Variants in TXN2 observed in about 807,000 individuals in gnomAD.
The protein encoded by TXN2 is thioredoxin 2.
Under a neutral mutation model 14.6 loss-of-function variants are expected in TXN2, and 12 were observed. That is an observed-to-expected ratio of 0.82 (90% confidence interval 0.53 to 1.33). The LOEUF is 1.33. TXN2 is among the 40% of genes most tolerant of loss of function. The pLI is 0.00. For synonymous variants in TXN2, 89 were observed against 81.0 expected (o/e 1.10, Z -0.53); for missense variants, 173 against 207.7 (o/e 0.83, Z 1.03).
At chr22:36,473,427 A>G (rs1051604956) in intron 3 of TXN2, among the ~76,000 whole-genome samples, 1 of 152,172 alleles carries the variant, frequency 6.6e-6, no homozygotes. Flanking sequence ...TGGGCGACAG[A>G]GCGAGACTCC....
At chr22:36,470,365 AG>A (rs1933248223) in intron 3 of TXN2, among the ~76,000 whole-genome samples, 1 of 152,192 alleles carries the variant, frequency 6.6e-6, no homozygotes. Context: ...AGGGCCCGAA[AG>A]AGTTTGCTCC....
chr22:36,473,708 A>T (rs533504554), intron 3 of TXN2, among the ~76,000 whole-genome samples: 12 of 152,158 alleles, frequency 7.9e-5, no homozygotes, highest in Non-Finnish European at 1.6e-4. Flanking sequence ...TTTCTGTGTG[A>T]CAGCACAGTC....
intron 3 of TXN2, among the ~76,000 whole-genome samples, chr22:36,470,978 T>TAC (rs923777756): frequency 8.1e-5 from 12 of 147,798 alleles, no homozygotes; most frequent in Middle Eastern, 3.5e-3. Flanking sequence ...CACACATATA[T>TAC]ACACACACAC....
intron 2 of TXN2, among the ~76,000 whole-genome samples, chr22:36,477,897 G>A (rs959295647): frequency 6.6e-6 from 1 of 152,090 alleles, no homozygotes; most frequent in African/African-American, 2.4e-5. Context: ...AGCACTTTGG[G>A]AGGCCGAGGC....
intron 3 of TXN2, 141 bp from the exon 4 acceptor site, chr22:36,468,058 G>A (rs1049692112): frequency 1.4e-6 from 1 of 701,830 alleles, no homozygotes; most frequent in Non-Finnish European, 2.5e-6. Context: ...AGAGGAACAT[G>A]GCTCTTCTCT....
intron 3 of TXN2, among the ~76,000 whole-genome samples, chr22:36,473,948 T>C (rs539361201): frequency 6.6e-6 from 1 of 152,322 alleles, no homozygotes; most frequent in Non-Finnish European, 1.5e-5. Flanking sequence ...TGCACATGGC[T>C]GGCCCTCAGG....
At chr22:36,469,005 G>A (rs1049687056) in intron 3 of TXN2, among the ~76,000 whole-genome samples, 7 of 151,980 alleles carry the variant, frequency 4.6e-5, no homozygotes, top group Non-Finnish European at 8.8e-5. Flanking sequence ...TTGCACCACT[G>A]CACTCCAGCC....
At chr22:36,476,640 C>G in intron 3 of TXN2, 93 bp downstream of exon 3, 1 of 1,544,132 alleles carries the variant, frequency 6.5e-7, no homozygotes, top group East Asian at 2.3e-5. Context: ...TACTGGCTAC[C>G]TGTGCTCCCC....
At position 36,472,082 on chromosome 22, in the gene TXN2, A is replaced by T. The variant is rs2145821788; in HGVS notation, c.388-4165T>A. 1.3e-5 allele frequency among the ~76,000 whole-genome samples: 2 copies of T among 152,276 alleles called. 1 individual carries two copies. Among genetic ancestry groups the T allele is most frequent in the South Asian group, 4.1e-4 (2 of 4,830 alleles). ...CAGCAGCAAAGAGAGAGAGACATCT[A>T]CTGAGTCCCAGCAGGGGGAAGAACG... On this transcript the variant is annotated intron_variant, in intron 3 of 3. Transcript: ENST00000216185.
At chr22:36,481,104 A>G (rs1039625772) in intron 1 of TXN2, 1 of 389,060 alleles carries the variant, frequency 2.6e-6, no homozygotes, top group African/African-American at 2.0e-5. Flanking sequence ...TGGGAGGAAG[A>G]AACCAACAGA....
In TXN2 at chr22:36,467,621, C is replaced by T. The variant is rs1933187200; in HGVS notation, c.*183G>A. The stretch of plus-strand genomic sequence containing the variant: ...GCGGTCCCCGGATCAGCAGCAGCAC[C>T]ACCATCCTCTGATGGCCCCTGGGCA... On this transcript the variant is annotated 3_prime_UTR_variant, in exon 4 of 4. Coordinates refer to ENST00000216185, the MANE Select transcript of TXN2 (RefSeq NM_012473.4). The T allele has an allele frequency of 8.4e-6, 5 of 594,768 alleles. No individual in the cohort carries two copies. Among genetic ancestry groups the T allele is most frequent in the Non-Finnish European group, 1.5e-5 (5 of 331,824 alleles). 36.8% of individuals were successfully genotyped at this position (594,768 alleles called of 1,614,324 possible). A position where few individuals can be genotyped will look rare whatever the true frequency, so the allele number is the denominator to read the frequency against.
At chr22:36,481,334 A>G (rs1472545788) in intron 1 of TXN2, 1 of 154,614 alleles carries the variant, frequency 6.5e-6, no homozygotes, top group Non-Finnish European at 1.5e-5. Flanking sequence ...CAATTCAAGG[A>G]GGAACTAAGA....
Position 36,480,726 on chromosome 22 carries a change from T to C in TXN2, c.112A>G (p.Ser38Gly). The C allele has an allele frequency of 6.2e-7, 1 of 1,614,102 alleles. No individual in the cohort carries two copies. Among genetic ancestry groups the C allele is most frequent in the South Asian group, 1.1e-5 (1 of 91,082 alleles). The change falls in exon 2 of 4, where the codon AGT (serine) becomes GGT (glycine). Residue 38 changes from serine (S) to glycine (G), a missense_variant. Coordinates refer to ENST00000216185, the MANE Select transcript of TXN2 (RefSeq NM_012473.4). ...GGTGTTACAGTCAGGCCACCAGGAC[T>C]GCATTGTGGGGTCTGCAGGGCTCTG... ...TSRALQTPQC[S>G]PGGLTVTPNP...
chr22:36,471,269 T>G (rs545201472), intron 3 of TXN2, among the ~76,000 whole-genome samples: 2 of 152,188 alleles, frequency 1.3e-5, no homozygotes, highest in Non-Finnish European at 2.9e-5. Context: ...TGAAGCCACT[T>G]GGAACCTCCT....
intron 3 of TXN2, among the ~76,000 whole-genome samples, chr22:36,472,329 T>G (rs1933296766): frequency 1.3e-5 from 2 of 151,998 alleles, no homozygotes; most frequent in African/African-American, 2.4e-5. Context: ...ATGGAGGCAG[T>G]GAAATGACTC....
At chr22:36,471,695 G>A (rs1162971977) in intron 3 of TXN2, among the ~76,000 whole-genome samples, 14 of 152,270 alleles carry the variant, frequency 9.2e-5, no homozygotes, top group South Asian at 4.1e-4. Flanking sequence ...TAGGACAGGC[G>A]CGGCAGCTCC....
intron 1 of TXN2, 49 bp downstream of exon 1, chr22:36,481,515 C>T (rs1933502544): frequency 4.2e-6 from 4 of 953,564 alleles, no homozygotes; most frequent in Non-Finnish European, 5.1e-6. Flanking sequence ...GCGCTCGCGG[C>T]ATGCCTCAGC....
intron 3 of TXN2, among the ~76,000 whole-genome samples, chr22:36,474,461 A>G (rs1204854531): frequency 6.6e-6 from 1 of 152,070 alleles, no homozygotes; most frequent in Admixed American, 6.5e-5. Flanking sequence ...CCTCTATTTG[A>G]GCTGGTCTAG....
Position 36,476,760 on chromosome 22 carries a change from GTCA to G in TXN2, c.357_359del (p.Asp120del). ...CATACTCAATGGCGAGGTCTGTGTG[GTCA>G]TCAATATCCACCTTGGCCATCACCA... On this transcript the variant is annotated inframe_deletion, in exon 3 of 4. Transcript: ENST00000216185. The G allele has an allele frequency of 6.2e-7, 1 of 1,614,072 alleles. No individual in the cohort carries two copies.
Sources: allele counts gnomAD v4.1 joint callset (sites outside exome capture counted in the v4.1 genomes callset), GRCh38; gene constraint gnomAD v4.1.1; transcripts MANE v1.5; gene names NCBI Gene and HGNC (gene_info 2026-07-23, HGNC 2026-07-21).